Variants in SDCCAG8 observed in about 807,000 individuals in gnomAD.
The protein encoded by SDCCAG8 is serologically defined colon cancer antigen 8.
SDCCAG8 carries 74 observed loss-of-function variants against 101.8 expected under a neutral mutation model. The observed-to-expected ratio is 0.73, with a 90% CI of 0.60 to 0.88. SDCCAG8 has a LOEUF of 0.88. Among genes scored for constraint, SDCCAG8 ranks in the 40% least tolerant of loss-of-function variants. The probability of loss-of-function intolerance (pLI) is 0.00; values close to 1 mark genes in which losing one functional copy is unlikely to be tolerated. For missense variants in SDCCAG8, 787 were observed against 822.6 expected (o/e 0.96, Z 0.53); for synonymous variants, 281 against 292.9 (o/e 0.96, Z 0.41).
chr1:243,337,628 T>C (rs1030289240), intron 10 of SDCCAG8, among the ~76,000 whole-genome samples: 1 of 152,180 alleles, frequency 6.6e-6, no homozygotes, highest in South Asian at 2.1e-4. Context: ...TAATAATACA[T>C]CAAGAATTGA....
rs143407309 is a variant in SDCCAG8 at position 243,293,141 on chromosome 1, C to T, written c.597C>T (p.Gly199=). The T allele has an allele frequency of 1.1e-4, 170 of 1,614,048 alleles. No individual in the cohort carries two copies. The African/African-American group carries it at 2.0e-3, about 19-fold the overall frequency. The change falls in exon 6 of 18, where the codon GGC becomes GGT. Residue 199 remains glycine (G), a synonymous_variant. Coordinates refer to ENST00000366541, the MANE Select transcript of SDCCAG8 (RefSeq NM_006642.5). ...CAACAGGTGAAGATTCTGGGGTGGG[C>T]GAAACCTCCAAAAGACCATTTTCCC... ...WITTGEDSGV[G]ETSKRPFSHD...
chr1:243,447,335 A>G (rs925131799), intron 16 of SDCCAG8, among the ~76,000 whole-genome samples: 2 of 151,990 alleles, frequency 1.3e-5, no homozygotes, highest in African/African-American at 4.8e-5. Context: ...TAAATGAGGA[A>G]TGAACAAATC....
rs750763148 is a variant in SDCCAG8, at chr1:243,378,745, C to T, written c.1498C>T (p.Leu500=). The change falls in exon 13 of 18, where the codon CTG becomes TTG. Residue 500 remains leucine, a synonymous_variant. Transcript: ENST00000366541. ...GGAAATAGAGAAATTGAGAATAGAA[C>T]TGGATGAAAGCAAACAACACTTGGA... ...DQEIEKLRIE[L]DESKQHLEQE... is the part of the protein sequence containing the mutation. The T allele has an allele frequency of 8.7e-6, 14 of 1,614,030 alleles. No homozygotes were observed. Among genetic ancestry groups the T allele is most frequent in the Non-Finnish European group, 1.2e-5 (14 of 1,179,950 alleles).
chr1:243,286,703 C>T (rs907274062), intron 5 of SDCCAG8, among the ~76,000 whole-genome samples: 8 of 152,136 alleles, frequency 5.3e-5, no homozygotes, highest in South Asian at 2.1e-4. Context: ...GTCTAGAAAC[C>T]GTTCAGAACT....
At chr1:243,341,286 A>C in intron 11 of SDCCAG8, 113 bp downstream of exon 11, 1 of 1,216,096 alleles carries the variant, frequency 8.2e-7, no homozygotes, top group East Asian at 2.5e-5. Flanking sequence ...GGAGTAGAAA[A>C]GTTTTGTGAT....
chr1:243,437,281 G>GT (rs767120817), intron 16 of SDCCAG8, among the ~76,000 whole-genome samples: 35 of 152,028 alleles, frequency 2.3e-4, no homozygotes, highest in Non-Finnish European at 4.1e-4. Context: ...ATGTATCCCT[G>GT]TATTTATTAA....
At chr1:243,344,173 A>G in intron 11 of SDCCAG8, 42 bp from the exon 12 acceptor site, 1 of 1,492,976 alleles carries the variant, frequency 6.7e-7, no homozygotes, top group Non-Finnish European at 9.4e-7. Flanking sequence ...ATTGCCTGGT[A>G]GATTCCAGCA....
At chr1:243,320,029 A>G (rs1341468154) in intron 9 of SDCCAG8, among the ~76,000 whole-genome samples, 1 of 152,054 alleles carries the variant, frequency 6.6e-6, no homozygotes, top group Non-Finnish European at 1.5e-5. Flanking sequence ...TTAAACATAA[A>G]TTTTACCATC....
At chr1:243,459,202 A>C (rs1658494005) in intron 16 of SDCCAG8, among the ~76,000 whole-genome samples, 1 of 152,214 alleles carries the variant, frequency 6.6e-6, no homozygotes, top group Non-Finnish European at 1.5e-5. Flanking sequence ...ATAGTCTTTC[A>C]AGGTTTCTTC....
At chr1:243,397,906 T>C (rs987012473) in intron 13 of SDCCAG8, among the ~76,000 whole-genome samples, 3 of 152,240 alleles carry the variant, frequency 2.0e-5, no homozygotes, top group Middle Eastern at 3.2e-3. Context: ...AAACCAGAGA[T>C]AGCCCTGCTA....
chr1:243,395,864 ATATT>A (rs1367086585), intron 13 of SDCCAG8, among the ~76,000 whole-genome samples: 1 of 152,048 alleles, frequency 6.6e-6, no homozygotes, highest in Non-Finnish European at 1.5e-5. Context: ...TCAATAAGAA[ATATT>A]TAATTTTTAT....
chr1:243,274,609 C>T lies in SDCCAG8; in HGVS notation c.373C>T (p.Gln125Ter), dbSNP rs977933821. The T allele has an allele frequency of 6.2e-7, 1 of 1,611,418 alleles. No homozygotes were observed. The highest frequency in any genetic ancestry group is 8.5e-7 in the Non-Finnish European group (1 of 1,178,246). The change falls in exon 4 of 18, where the codon CAG becomes TAG. Residue 125 changes from glutamine to a stop codon, truncating the protein, a stop_gained. Coordinates refer to ENST00000366541, the MANE Select transcript of SDCCAG8 (RefSeq NM_006642.5). LOFTEE classifies it high-confidence loss of function. ...MHDLVHTIND[Q>*]SQYIHHLEAE... ...CGACCTTGTTCATACTATTAATGAC[C>T]AGTCTCAATATATTCATCATTTAGA...
chr1:243,466,190 T>C (rs76958976), intron 16 of SDCCAG8, among the ~76,000 whole-genome samples: 135 of 152,360 alleles, frequency 8.9e-4, no homozygotes, highest in African/African-American at 3.1e-3. Flanking sequence ...CTGATGAAGA[T>C]GGTGAGAACT....
intron 1 of SDCCAG8, among the ~76,000 whole-genome samples, chr1:243,261,992 T>C (rs922867300): frequency 2.0e-5 from 3 of 151,156 alleles, no homozygotes; most frequent in African/African-American, 7.3e-5. Flanking sequence ...GTATTTTTAG[T>C]AGAGACGGGG....
At chr1:243,322,370 A>C (rs2073826661) in intron 9 of SDCCAG8, among the ~76,000 whole-genome samples, 1 of 152,222 alleles carries the variant, frequency 6.6e-6, no homozygotes. Flanking sequence ...TAAACCTCTC[A>C]TGTACCCCAG....
chr1:243,324,736 A>G (rs2074023819), intron 9 of SDCCAG8, among the ~76,000 whole-genome samples: 1 of 152,096 alleles, frequency 6.6e-6, no homozygotes, highest in Non-Finnish European at 1.5e-5. Flanking sequence ...CTCTCATAAC[A>G]TTTATAGTTC....
At chr1:243,426,878 C>G (rs996192560) in intron 16 of SDCCAG8, among the ~76,000 whole-genome samples, 2 of 152,164 alleles carry the variant, frequency 1.3e-5, no homozygotes, top group Non-Finnish European at 2.9e-5. Flanking sequence ...TTCAAATTAT[C>G]TCTCCTAGAA....
chr1:243,338,624 C>G (rs2075174970), intron 10 of SDCCAG8: 2 of 152,220 alleles, frequency 1.3e-5, no homozygotes, highest in South Asian at 4.1e-4. Flanking sequence ...TGAGCACCCC[C>G]TGAGGTCCAC....
At chr1:243,343,429 A>C (rs2075502305) in intron 11 of SDCCAG8, among the ~76,000 whole-genome samples, 1 of 152,244 alleles carries the variant, frequency 6.6e-6, no homozygotes, top group South Asian at 2.1e-4. Flanking sequence ...TTTCTGTAGC[A>C]GTCCTAGATT....
Sources: gnomAD v4.1 joint callset for allele counts (sites outside exome capture counted in the v4.1 genomes callset) on GRCh38, gnomAD v4.1.1 for gene constraint, MANE v1.5 for transcripts, NCBI Gene and HGNC (gene_info 2026-07-23, HGNC 2026-07-21) for gene names.